GPD1: variants seen among roughly 807,000 people sequenced by gnomAD.
The protein encoded by GPD1 is glycerol-3-phosphate dehydrogenase [NAD(+)], cytoplasmic.
GPD1 carries 19 observed loss-of-function variants against 34.4 expected under a neutral mutation model. The ratio of observed to expected loss-of-function variants is 0.55; its 90% CI spans 0.39 to 0.81. The LOEUF is 0.81. Among genes scored for constraint, GPD1 ranks in the 30% least tolerant of loss-of-function variants. The pLI is 0.00. For synonymous variants in GPD1, 172 were observed against 174.1 expected, an observed-to-expected ratio of 0.99 and a Z score of 0.09; for missense variants, 429 against 447.0, an observed-to-expected ratio of 0.96 and a Z score of 0.36.
chr12:50,106,431 G>C lies in GPD1; in HGVS notation c.499+5G>C, dbSNP rs1284936664. On this transcript the variant is annotated splice_donor_5th_base_variant and intron_variant, in intron 4 of 7. Coordinates refer to ENST00000301149, the MANE Select transcript of GPD1 (RefSeq NM_005276.4). Reference sequence around the variant, plus strand: ...AGTTCTGTGAGACAACCATTGGTGAGAGCCCCCTGGCACCTGCATACACAG... The same window carrying C: ...AGTTCTGTGAGACAACCATTGGTGACAGCCCCCTGGCACCTGCATACACAG... 4 of 1,613,242 alleles carry C rather than the reference G, an allele frequency of 2.5e-6. No individual in the cohort carries two copies. The African/African-American group carries it at 4.0e-5, about 16-fold the overall frequency.
intron 2 of GPD1, 115 bp from the exon 3 acceptor site, chr12:50,105,433 A>C: frequency 9.7e-7 from 1 of 1,030,542 alleles, no homozygotes; most frequent in South Asian, 1.5e-5. Context: ...AGTCCCAAAC[A>C]AGCCTTCCTG....
In GPD1 at chr12:50,108,095, A is replaced by C; in HGVS notation, c.918A>C (p.Leu306=). 6.2e-7 allele frequency: 1 copy of C among 1,611,856 alleles called. No homozygotes were observed. The highest frequency in any genetic ancestry group is 8.5e-7 in the Non-Finnish European group (1 of 1,178,238). The change falls in exon 7 of 8, where the codon CTA becomes CTC. Residue 306 remains leucine (L), a synonymous_variant. Transcript: ENST00000301149. ...KLQGPETARE[L]YSILQHKGLV... is the part of the protein sequence containing the mutation. ...AGGGGCCCGAGACAGCCCGGGAGCT[A>C]TACAGCATCCTCCAGCACAAGGGCC...
chr12:50,108,653 T>C (rs932819248), intron 7 of GPD1, among the ~76,000 whole-genome samples: 3 of 152,148 alleles, frequency 2.0e-5, no homozygotes, highest in Non-Finnish European at 2.9e-5. Context: ...AGGTTCAGAA[T>C]ATCCACTCAT....
At chr12:50,107,859 G>A in intron 6 of GPD1, 59 bp downstream of exon 6, 1 of 1,280,888 alleles carries the variant, frequency 7.8e-7, no homozygotes, top group Non-Finnish European at 1.1e-6. Context: ...AGGTAGAGGT[G>A]CTTGGCGGGA....
At chr12:50,105,235 C>T (rs1565746690) in intron 2 of GPD1, 1 of 367,174 alleles carries the variant, frequency 2.7e-6, no homozygotes. Context: ...CTTATTTGAG[C>T]TCTTTCTTTT....
At position 50,109,783 on chromosome 12, in the gene GPD1, G is replaced by C; in HGVS notation, c.*264G>C. On this transcript the variant is annotated 3_prime_UTR_variant, in exon 8 of 8. Coordinates refer to ENST00000301149, the MANE Select transcript of GPD1 (RefSeq NM_005276.4). ...ATGTGGGGCTTTCTCCATATCCTCT[G>C]GGAGGGGTGGAATCAAGCCCCAGTG... The C allele has an allele frequency of 2.2e-6, 1 of 446,910 alleles. No individual in the cohort carries two copies. Among genetic ancestry groups the C allele is most frequent in the African/African-American group, 2.0e-5 (1 of 50,942 alleles). The allele number at this position is 446,910 out of a possible 1,614,324, so 27.7% of individuals were successfully genotyped here.
chr12:50,109,363 G>A, intron 7 of GPD1, 60 bp from the exon 8 acceptor site: 1 of 859,446 alleles, frequency 1.2e-6, no homozygotes, highest in South Asian at 1.3e-5. Context: ...GTGAGTGGGG[G>A]TGGGGGTAGA....
rs1177225786 is a variant in GPD1 at position 50,111,166 on chromosome 12, C to G, written c.*1647C>G. The G allele has an allele frequency of 6.6e-6, 1 of 152,262 alleles. No homozygotes were observed. Among genetic ancestry groups the G allele is most frequent in the Non-Finnish European group, 1.5e-5 (1 of 68,106 alleles). 9.4% of individuals were successfully genotyped at this position (152,262 alleles called of 1,614,324 possible). A position where few individuals can be genotyped will look rare whatever the true frequency, so the allele number is the denominator to read the frequency against. ...AGCCCAGGTCTGGGTACTGAGTGTC[C>G]AGAGCTGCCTCCCCAGGAGGTTAAG... On this transcript the variant is annotated 3_prime_UTR_variant, in exon 8 of 8. Transcript: ENST00000301149. The surrounding 1 kb of genome is among the most constrained non-coding windows in gnomAD (Gnocchi z 4.1).
At chr12:50,106,215 G>C in intron 3 of GPD1, 73 bp from the exon 4 acceptor site, 2 of 1,334,166 alleles carry the variant, frequency 1.5e-6, no homozygotes, top group Non-Finnish European at 2.0e-6. Flanking sequence ...GATTTGGAAG[G>C]GACAGAATTT....
rs955272140 is a variant in GPD1 at position 50,105,972 on chromosome 12, A to C, written c.360+284A>C. ...GATATGAGAAGCGGGCTGGTTTGAG[A>C]AGTGTGAAGAGTAGCTGGTTTGGAG... On this transcript the variant is annotated intron_variant, in intron 3 of 7. Coordinates refer to ENST00000301149, the MANE Select transcript of GPD1 (RefSeq NM_005276.4). 9.1e-6 allele frequency: 6 copies of C among 660,896 alleles called. No homozygotes were observed. The Admixed American group carries it at 1.1e-4, about 12-fold the overall frequency. 40.9% of individuals were successfully genotyped at this position (660,896 alleles called of 1,614,324 possible).
At chr12:50,106,197 G>C in intron 3 of GPD1, 91 bp from the exon 4 acceptor site, 1 of 1,179,708 alleles carries the variant, frequency 8.5e-7, no homozygotes, top group Non-Finnish European at 1.2e-6. Flanking sequence ...GGACACAGAT[G>C]AGCAATGGAT....
At chr12:50,105,145 A>C in intron 2 of GPD1, 1 of 291,062 alleles carries the variant, frequency 3.4e-6, no homozygotes, top group Admixed American at 4.7e-5. Context: ...CCCACCTGGA[A>C]AGGGGAAGCA....
intron 2 of GPD1, 43 bp downstream of exon 2, chr12:50,104,794 G>A (rs774579894): frequency 6.4e-7 from 1 of 1,563,608 alleles, no homozygotes; most frequent in East Asian, 2.2e-5. Context: ...AGGAAGGGAG[G>A]GCCAGGAGTT....
In GPD1 at chr12:50,108,082, C is replaced by G; in HGVS notation, c.905C>G (p.Thr302Arg). ...GGGCAGAAACTGCAGGGGCCCGAGA[C>G]AGCCCGGGAGCTATACAGCATCCTC... ...LNGQKLQGPE[T>R]ARELYSILQH... is the part of the protein sequence containing the mutation. The change falls in exon 7 of 8, where the codon ACA becomes AGA. Residue 302 changes from threonine to arginine, a missense_variant. Thr to Arg is a moderately conservative substitution (Grantham distance 71, BLOSUM62 -1). Coordinates refer to ENST00000301149, the MANE Select transcript of GPD1 (RefSeq NM_005276.4). 6.2e-7 allele frequency: 1 copy of G among 1,613,152 alleles called. No individual in the cohort carries two copies. The highest frequency in any genetic ancestry group is 1.1e-5 in the South Asian group (1 of 90,910).
chr12:50,107,152 G>T, intron 5 of GPD1: 1 of 676,164 alleles, frequency 1.5e-6, no homozygotes, highest in Non-Finnish European at 2.7e-6. Flanking sequence ...TTTTAGCCCC[G>T]TGTGGGACTC....
intron 2 of GPD1, 171 bp from the exon 3 acceptor site, chr12:50,105,376 GA>G: frequency 3.2e-6 from 2 of 633,894 alleles, no homozygotes; most frequent in East Asian, 2.8e-5. Context: ...TAGCTGGGGG[GA>G]GGGAGTAGAG....
rs758618741 is a variant in GPD1, at chr12:50,107,780, G to C, written c.826G>C (p.Ala276Pro). 3 of 1,613,074 alleles carry C rather than the reference G, an allele frequency of 1.9e-6. No homozygotes were observed. The East Asian group carries it at 6.7e-5, about 36-fold the overall frequency. ...AGGGCGGAACCGGAAAGTGGCTGAGGCCTTTGCGCGTACAGGAAAGGTGGG... is the reference window on the plus strand; with the variant it reads ...AGGGCGGAACCGGAAAGTGGCTGAGCCCTTTGCGCGTACAGGAAAGGTGGG... Reference protein sequence around the residue: ...YGGRNRKVAEAFARTGKSIEQ... With the variant: ...YGGRNRKVAEPFARTGKSIEQ... Residue 276 changes from alanine to proline, a missense_variant, in exon 6 of 8, where the codon GCC becomes CCC. Physicochemically the swap from Ala to Pro is conservative, Grantham distance 27. Coordinates refer to ENST00000301149, the MANE Select transcript of GPD1 (RefSeq NM_005276.4).
Position 50,104,623 on chromosome 12 carries a change from C to A in GPD1, c.91C>A (p.Gln31Lys), listed in dbSNP as rs758587030. Residue 31 changes from glutamine to lysine, a missense_variant, in exon 2 of 8, where the codon CAG (glutamine) becomes AAG (lysine). By Grantham distance (53) the Gln-to-Lys change is moderately conservative. Transcript: ENST00000301149. The part of the protein sequence containing the change: ...IVGGNAAQLA[Q>K]FDPRVTMWVF... ...GGGTGGCAATGCAGCCCAGCTGGCA[C>A]AGTTTGACCCACGGGTGACCATGTG... is the stretch of plus-strand genomic sequence containing the variant. The A allele has an allele frequency of 6.2e-7, 1 of 1,613,860 alleles. No individual in the cohort carries two copies. The highest frequency in any genetic ancestry group is 8.5e-7 in the Non-Finnish European group (1 of 1,179,760).
At chr12:50,107,523 A>G (rs1950989332) in intron 5 of GPD1, 44 bp from the exon 6 acceptor site, 4 of 1,433,914 alleles carry the variant, frequency 2.8e-6, no homozygotes, top group Non-Finnish European at 3.9e-6. Context: ...CATGGGGCCT[A>G]TAGGAGGGGG....
Sources: gnomAD v4.1 joint callset for allele counts (sites outside exome capture counted in the v4.1 genomes callset) on GRCh38, gnomAD v4.1.1 for gene constraint, Gnocchi (gnomAD v3.1) non-coding constraint, MANE v1.5 for transcripts, NCBI Gene and HGNC (gene_info 2026-07-23, HGNC 2026-07-21) for gene names.